DOK7: variants seen among roughly 807,000 people sequenced by gnomAD.
DOK7 encodes the protein docking protein 7.
Under a neutral mutation model 30.7 loss-of-function variants are expected in DOK7, and 32 were observed. The observed-to-expected ratio is 1.04, with a 90% CI of 0.79 to 1.40. DOK7 has a LOEUF of 1.40. Ranked by LOEUF, DOK7 falls within the 40% of genes most tolerant of loss-of-function variation. The pLI is 0.00. For missense variants in DOK7, 1,007 were observed against 699.2 expected, an observed-to-expected ratio of 1.44 and a Z score of -4.97; for synonymous variants, 447 against 324.1, an observed-to-expected ratio of 1.38 and a Z score of -4.07.
rs762740241 is a variant in DOK7 at position 3,492,781 on chromosome 4, C to G, written c.795C>G (p.Ser265Arg). The part of the protein sequence containing the change: ...GSGGDDRSLS[S>R]SSSEASHLDV... ...CAGGGGATGACCGCAGCCTGTCCAGCTCATCCTCAGAGGCCAGTCACTTGG... is the reference window on the plus strand; with the variant it reads ...CAGGGGATGACCGCAGCCTGTCCAGGTCATCCTCAGAGGCCAGTCACTTGG... The change falls in exon 7 of 7, where the codon AGC becomes AGG. Residue 265 changes from serine to arginine, a missense_variant. Transcript: ENST00000340083. 1.9e-6 allele frequency: 3 copies of G among 1,612,790 alleles called. No individual in the cohort carries two copies. The highest frequency in any genetic ancestry group is 1.1e-5 in the South Asian group (1 of 91,086).
intron 5 of DOK7, among the ~76,000 whole-genome samples, chr4:3,485,980 AC>A (rs1727759443): frequency 6.6e-6 from 1 of 151,834 alleles, no homozygotes. Context: ...AGACCCTCTG[AC>A]CCACCACCAC....
At chr4:3,465,594 G>A (rs188552642) in intron 2 of DOK7, among the ~76,000 whole-genome samples, 49 of 152,328 alleles carry the variant, frequency 3.2e-4, no homozygotes, top group Admixed American at 8.5e-4. Flanking sequence ...TCCTCCTTGC[G>A]TTTTTCTCAA....
chr4:3,496,835 G>GC, downstream of DOK7: 7 of 1,535,830 alleles, frequency 4.6e-6, no homozygotes, highest in Non-Finnish European at 6.1e-6. Flanking sequence ...GGCAGCCTCA[G>GC]CCCCAGGACC....
rs376280466 is a variant in DOK7 at position 3,492,959 on chromosome 4, C to T, written c.973C>T (p.Arg325Trp). 32 of 1,552,870 alleles carry T rather than the reference C, an allele frequency of 2.1e-5. No individual in the cohort carries two copies. Among genetic ancestry groups the T allele is most frequent in the Middle Eastern group, 1.7e-4 (1 of 6,024 alleles). ...SRPPPKPLRP[R>W]QLQEVGRQSS... ...GCCACCCCCCAAGCCGCTGCGTCCG[C>T]GGCAGCTGCAGGAGGTTGGCCGCCA... Residue 325 changes from arginine to tryptophan, a missense_variant, in exon 7 of 7, where the codon CGG becomes TGG. Transcript: ENST00000340083.
chr4:3,493,588 GGTGCTCT>G lies in DOK7; in HGVS notation c.*91_*97del, dbSNP rs1728696808. Reference sequence around the variant, plus strand: ...AGTGGCGCCAGCCTCCTTGCAGACTGGTGCTCTGTGTTCTGTGGGAGGGACCGGGGGT... The same window carrying G: ...AGTGGCGCCAGCCTCCTTGCAGACTGGTGTTCTGTGGGAGGGACCGGGGGT... On this transcript the variant is annotated 3_prime_UTR_variant, in exon 7 of 7. Transcript: ENST00000340083. 3.0e-5 allele frequency: 47 copies of G among 1,550,796 alleles called. 1 individual carries two copies. The South Asian group carries it at 4.3e-4, about 14-fold the overall frequency.
At chr4:3,481,087 T>C (rs1727417389) in intron 4 of DOK7, among the ~76,000 whole-genome samples, 1 of 151,036 alleles carries the variant, frequency 6.6e-6, no homozygotes, top group Non-Finnish European at 1.5e-5. Flanking sequence ...GTAGGAGCCC[T>C]GTTGGGGGGG....
chr4:3,468,941 G>C (rs1489782511), intron 2 of DOK7, among the ~76,000 whole-genome samples: 1 of 134,212 alleles, frequency 7.5e-6, no homozygotes, highest in Admixed American at 7.1e-5. Flanking sequence ...GCGTGCTTTT[G>C]TGCACGTGTG....
At chr4:3,477,704 C>CG (rs1727185366) in intron 4 of DOK7, among the ~76,000 whole-genome samples, 3 of 152,256 alleles carry the variant, frequency 2.0e-5, no homozygotes, top group African/African-American at 7.2e-5. Context: ...AGAGCTGGCC[C>CG]GGAGTCTCGG....
chr4:3,491,512 CTTCT>C (rs960725584), intron 6 of DOK7, among the ~76,000 whole-genome samples: 59 of 132,524 alleles, frequency 4.5e-4, no homozygotes, highest in African/African-American at 1.4e-3. Flanking sequence ...TTATTCCTTC[CTTCT>C]GTCTGTTCAT....
intron 4 of DOK7, among the ~76,000 whole-genome samples, chr4:3,482,902 G>A (rs1452556683): frequency 6.6e-6 from 1 of 152,208 alleles, no homozygotes; most frequent in Non-Finnish European, 1.5e-5. Context: ...CGGGACGGCA[G>A]CAGGTGGGGC....
rs1726796965 is a variant in DOK7 at position 3,472,123 on chromosome 4, G to C, written c.101-1283G>C. Among the ~76,000 whole-genome samples, 4 of 152,260 alleles carry C rather than the reference G, an allele frequency of 2.6e-5. No individual in the cohort carries two copies. The South Asian group carries it at 8.3e-4, about 31-fold the overall frequency. On this transcript the variant is annotated intron_variant, in intron 2 of 6. Transcript: ENST00000340083. ...AAGCTTGCTGACCGCTGGCCCCTGT[G>C]GTCACACAGACCCCCTGGCTCTGCG...
In DOK7 at chr4:3,485,564, G is replaced by C; in HGVS notation, c.558G>C (p.Ser186=). 3 of 1,605,374 alleles carry C rather than the reference G, an allele frequency of 1.9e-6. No homozygotes were observed. The highest frequency in any genetic ancestry group is 2.6e-6 in the Non-Finnish European group (3 of 1,175,478). Residue 186 remains serine, a synonymous_variant, in exon 5 of 7, where the codon TCG becomes TCC. Coordinates refer to ENST00000340083, the MANE Select transcript of DOK7 (RefSeq NM_173660.5). ...GGGCTGGCGTCTTCTTCCTGTCCTC[G>C]GCCGAGGGGGAGCAGATCAGCTTCC... ...GYWAGVFFLS[S]AEGEQISFLF... is the part of the protein sequence containing the mutation.
Position 3,489,745 on chromosome 4 carries a change from C to G in DOK7, c.721C>G (p.Leu241Val), listed in dbSNP as rs1179675271. 6 of 1,570,474 alleles carry G rather than the reference C, an allele frequency of 3.8e-6. No homozygotes were observed. Among genetic ancestry groups the G allele is most frequent in the South Asian group, 1.2e-5 (1 of 85,468 alleles). ...VAQEALETLQLEKRLSLLSHA... is the reference protein window; with the variant it reads ...VAQEALETLQVEKRLSLLSHA... ...CCAGGAAGCCCTGGAAACCCTACAG[C>G]TGGAGAAGCGGCTGAGCCTCCTCTC... The change falls in exon 6 of 7, where the codon CTG (leucine) becomes GTG (valine). Residue 241 changes from leucine to valine, a missense_variant. Leu to Val is a conservative substitution (Grantham distance 32). Coordinates refer to ENST00000340083, the MANE Select transcript of DOK7 (RefSeq NM_173660.5).
intron 6 of DOK7, among the ~76,000 whole-genome samples, chr4:3,492,408 G>A (rs75412833): frequency 0.011 from 1,650 of 152,064 alleles, 32 homozygotes; most frequent in African/African-American, 0.038. Flanking sequence ...GAAGGTAGTC[G>A]GGATGGCTGG....
chr4:3,485,550 T>G lies in DOK7; in HGVS notation c.544T>G (p.Phe182Val), dbSNP rs779304390. 1.9e-6 allele frequency: 3 copies of G among 1,603,202 alleles called. No homozygotes were observed. In the East Asian group the frequency reaches 6.8e-5, roughly 36 times the overall value. The change falls in exon 5 of 7, where the codon TTC becomes GTC. Residue 182 changes from phenylalanine (F) to valine (V), a missense_variant. Physicochemically the swap from Phe to Val is conservative, Grantham distance 50. Transcript: ENST00000340083. Reference protein sequence around the residue: ...GTRCGYWAGVFFLSSAEGEQI... With the variant: ...GTRCGYWAGVVFLSSAEGEQI... ...TCCTTCCTCTGCAGGGGCTGGCGTC[T>G]TCTTCCTGTCCTCGGCCGAGGGGGA...
chr4:3,492,328 T>C (rs2699416), intron 6 of DOK7, among the ~76,000 whole-genome samples: 106,112 of 151,702 alleles, frequency 0.7, 37,633 homozygotes, highest in East Asian at 0.93. Context: ...GGGAAGTTCT[T>C]GGGGAAGGGA....
rs921234407 is a variant in DOK7, at chr4:3,492,775, G to A, written c.789G>A (p.Leu263=). The A allele has an allele frequency of 6.2e-7, 1 of 1,612,636 alleles. No homozygotes were observed. The highest frequency in any genetic ancestry group is 1.1e-5 in the South Asian group (1 of 91,090). ...RPGSGGDDRS[L]SSSSSEASHL... is the part of the protein sequence containing the mutation. ...CTGTCTCAGGGGATGACCGCAGCCT[G>A]TCCAGCTCATCCTCAGAGGCCAGTC... The change falls in exon 7 of 7, where the codon CTG becomes CTA. Residue 263 remains leucine (L), a synonymous_variant. Coordinates refer to ENST00000340083, the MANE Select transcript of DOK7 (RefSeq NM_173660.5).
downstream of DOK7, among the ~76,000 whole-genome samples, chr4:3,495,448 G>C (rs1577188371): frequency 6.6e-6 from 1 of 152,250 alleles, no homozygotes; most frequent in Non-Finnish European, 1.5e-5. Context: ...GAGTCATGGG[G>C]CCTCTTGCCT....
intron 5 of DOK7, 73 bp from the exon 6 acceptor site, chr4:3,489,604 C>A (rs1337093477): frequency 1.3e-6 from 2 of 1,549,650 alleles, no homozygotes; most frequent in East Asian, 2.4e-5. Flanking sequence ...CTGAGTCAGG[C>A]TGGGCCTGGT....
Sources: gnomAD v4.1 joint callset for allele counts (sites outside exome capture counted in the v4.1 genomes callset) on GRCh38, gnomAD v4.1.1 for gene constraint, MANE v1.5 for transcripts, NCBI Gene and HGNC (gene_info 2026-07-23, HGNC 2026-07-21) for gene names.